The following SVEP1 variants were observed in gnomAD, a reference collection of about 807,000 sequenced individuals.
The protein encoded by SVEP1 is sushi, von Willebrand factor type A, EGF and pentraxin domain-containing protein 1.
Under a neutral mutation model 367.3 loss-of-function variants are expected in SVEP1, and 164 were observed. The ratio of observed to expected loss-of-function variants is 0.45; its 90% CI spans 0.39 to 0.51. The LOEUF (loss-of-function observed/expected upper bound fraction) is 0.51. Ranked by LOEUF, SVEP1 falls within the 20% of genes least tolerant of loss-of-function variation. The pLI, the probability that SVEP1 is intolerant of heterozygous loss-of-function variation, is 0.00. For synonymous variants in SVEP1, 1,666 were observed against 1,611.6 expected (o/e 1.03, Z -0.81); for missense variants, 4,117 against 4,425.3 (o/e 0.93, Z 1.98).
At chr9:110,514,380 G>T (rs1478786447) in intron 3 of SVEP1, among the ~76,000 whole-genome samples, 1 of 152,022 alleles carries the variant, frequency 6.6e-6, no homozygotes, top group Non-Finnish European at 1.5e-5. Flanking sequence ...GGGTGTGGTG[G>T]CGTGTGCCTG....
At chr9:110,410,477 C>T (rs1828028500) in intron 37 of SVEP1, among the ~76,000 whole-genome samples, 1 of 152,152 alleles carries the variant, frequency 6.6e-6, no homozygotes, top group African/African-American at 2.4e-5. Context: ...TCTCTAGGTT[C>T]CATTTAGACC....
intron 25 of SVEP1, 55 bp from the exon 26 acceptor site, chr9:110,446,093 T>G (rs1484053938): frequency 6.7e-7 from 1 of 1,501,302 alleles, no homozygotes; most frequent in East Asian, 2.4e-5. Context: ...CATTTCCAAT[T>G]GTCAGAGGAA....
At chr9:110,462,747 C>A (rs1483922723) in intron 18 of SVEP1, among the ~76,000 whole-genome samples, 1 of 151,518 alleles carries the variant, frequency 6.6e-6, no homozygotes, top group Admixed American at 6.6e-5. Context: ...GAGAAATAAT[C>A]TAAGTATGCC....
intron 3 of SVEP1, among the ~76,000 whole-genome samples, chr9:110,523,684 G>T (rs1474093012): frequency 3.9e-5 from 6 of 152,022 alleles, no homozygotes; most frequent in African/African-American, 1.4e-4. Flanking sequence ...AGGAAAGAAG[G>T]AATGTATGTT....
intron 5 of SVEP1, among the ~76,000 whole-genome samples, chr9:110,503,826 T>G (rs1428049580): frequency 6.6e-6 from 1 of 152,152 alleles, no homozygotes; most frequent in African/African-American, 2.4e-5. Context: ...TCTTGACTTA[T>G]GCATTAACAT....
chr9:110,444,977 G>T (rs1037405392), intron 26 of SVEP1, among the ~76,000 whole-genome samples: 9 of 152,156 alleles, frequency 5.9e-5, no homozygotes, highest in Non-Finnish European at 1.2e-4. Context: ...CTTGGATTGG[G>T]GATAGAAAAA....
intron 8 of SVEP1, among the ~76,000 whole-genome samples, chr9:110,492,927 G>C (rs927389208): frequency 6.6e-6 from 1 of 152,144 alleles, no homozygotes; most frequent in African/African-American, 2.4e-5. Context: ...ACAGGTGGCT[G>C]CATCTCTCCT....
rs566987934 is a variant in SVEP1, at chr9:110,455,644, C to T, written c.3733G>A (p.Val1245Ile). ...AATTCCCCAACTAGGTCTTTACAAA[C>T]TCCATTGTTGAGGCAAGGCAGTGGG... Reference protein sequence around the residue: ...CSPLPCLNNGVCKDLVGEFIC... With the variant: ...CSPLPCLNNGICKDLVGEFIC... Residue 1245 changes from valine to isoleucine, a missense_variant, in exon 22 of 48, where the codon GTT becomes ATT. By Grantham distance (29) the Val-to-Ile change is conservative. Coordinates refer to ENST00000374469, the MANE Select transcript of SVEP1 (RefSeq NM_153366.4). 4 of 1,613,580 alleles carry T rather than the reference C, an allele frequency of 2.5e-6. No homozygotes were observed. In the African/African-American group the frequency reaches 4.0e-5, roughly 16 times the overall value.
chr9:110,395,331 C>A (rs1177457579), intron 40 of SVEP1, among the ~76,000 whole-genome samples: 4 of 152,110 alleles, frequency 2.6e-5, no homozygotes, highest in Non-Finnish European at 5.9e-5. Flanking sequence ...CAGGCCTGCC[C>A]TAAAAGAGCT....
chr9:110,375,570 G>C (rs1327324533), intron 45 of SVEP1, 107 bp from the exon 46 acceptor site: 2 of 982,956 alleles, frequency 2.0e-6, no homozygotes, highest in African/African-American at 1.6e-5. Context: ...CATTTTGCAG[G>C]AGTGAAACCT....
chr9:110,457,048 C>A, intron 21 of SVEP1, among the ~76,000 whole-genome samples: 1 of 152,036 alleles, frequency 6.6e-6, no homozygotes, highest in East Asian at 1.9e-4. Flanking sequence ...AGTCTTTATT[C>A]TTTATCCAAA....
rs952726175 is a variant in SVEP1, at chr9:110,538,110, G to A, written c.964+8005C>T. 3.1e-4 allele frequency among the ~76,000 whole-genome samples: 47 copies of A among 151,902 alleles called. 4 individuals carry two copies. The highest frequency in any genetic ancestry group is 2.9e-5 in the Non-Finnish European group (2 of 67,910). On this transcript the variant is annotated intron_variant, in intron 3 of 47. Coordinates refer to ENST00000374469, the MANE Select transcript of SVEP1 (RefSeq NM_153366.4). ...CACACTGACTTTGGGGGTTTGTGAT[G>A]CTTCACACCAATAGTCTAATTTTAT... is the stretch of plus-strand genomic sequence containing the variant.
rs1378341738 is a variant in SVEP1, at chr9:110,514,025, G to A, written c.1046C>T (p.Thr349Ile). 1 of 1,612,284 alleles carries A rather than the reference G, an allele frequency of 6.2e-7. No individual in the cohort carries two copies. Among genetic ancestry groups the A allele is most frequent in the African/African-American group, 1.3e-5 (1 of 74,902 alleles). Residue 349 changes from threonine to isoleucine, a missense_variant, in exon 4 of 48, where the codon ACC (threonine) becomes ATC (isoleucine). By Grantham distance (89) the Thr-to-Ile change is moderately conservative. Transcript: ENST00000374469. ...SCIPCPDENH[T>I]SPPGSTSPED... ...AGGGGATGTGCTTCCAGGTGGAGAG[G>A]TGTGATTTTCATCAGGACATGGAAT...
chr9:110,509,805 T>G (rs187977070), intron 5 of SVEP1, among the ~76,000 whole-genome samples: 85 of 152,350 alleles, frequency 5.6e-4, no homozygotes, highest in African/African-American at 2.0e-3. Context: ...TCACCAGAGA[T>G]ATCATCAATG....
chr9:110,433,380 A>C (rs1038360329), intron 30 of SVEP1, among the ~76,000 whole-genome samples: 2 of 150,670 alleles, frequency 1.3e-5, no homozygotes. Flanking sequence ...AAAAAAAAAA[A>C]AAAAAAACGG....
In SVEP1 at chr9:110,407,537, C is replaced by T; in HGVS notation, c.8063G>A (p.Gly2688Glu). The stretch of plus-strand genomic sequence containing the variant: ...CACAGGGTTCCCCAGAAGTTCATAT[C>T]CTGGATTACAGGTGTATGAAACCAT... ...GTMVSYTCNPGYELLGNPVLI... is the reference protein window; with the variant it reads ...GTMVSYTCNPEYELLGNPVLI... The change falls in exon 38 of 48, where the codon GGA becomes GAA. Residue 2688 changes from glycine (G) to glutamate (E), a missense_variant. Coordinates refer to ENST00000374469, the MANE Select transcript of SVEP1 (RefSeq NM_153366.4). 4 of 1,613,960 alleles carry T rather than the reference C, an allele frequency of 2.5e-6. No individual in the cohort carries two copies. Among genetic ancestry groups the T allele is most frequent in the Non-Finnish European group, 3.4e-6 (4 of 1,179,888 alleles).
At chr9:110,436,320 T>C in intron 28 of SVEP1, 60 bp downstream of exon 28, 5 of 1,596,306 alleles carry the variant, frequency 3.1e-6, no homozygotes, top group Non-Finnish European at 4.3e-6. Context: ...GCTGTTCACA[T>C]TTTTACTAGG....
At chr9:110,552,493 A>G (rs920063433) in intron 1 of SVEP1, among the ~76,000 whole-genome samples, 4 of 152,136 alleles carry the variant, frequency 2.6e-5, no homozygotes, top group African/African-American at 4.8e-5. Flanking sequence ...TTTTTACACT[A>G]TAATATAGAA....
At chr9:110,536,898 T>A (rs189379268) in intron 3 of SVEP1, among the ~76,000 whole-genome samples, 6 of 151,958 alleles carry the variant, frequency 3.9e-5, no homozygotes, top group Non-Finnish European at 8.8e-5. Flanking sequence ...AACTTATTCA[T>A]CTTGCATAAC....
Sources: allele counts gnomAD v4.1 joint callset (sites outside exome capture counted in the v4.1 genomes callset), GRCh38; gene constraint gnomAD v4.1.1; transcripts MANE v1.5; gene names NCBI Gene and HGNC (gene_info 2026-07-23, HGNC 2026-07-21).